The following PPARD variants were observed in gnomAD, a reference collection of about 807,000 sequenced individuals.
The protein encoded by PPARD is peroxisome proliferator activated receptor delta, also known as peroxisome proliferator-activated receptor delta.
Under a neutral mutation model 39.5 loss-of-function variants are expected in PPARD, and 6 were observed. That is an observed-to-expected ratio of 0.15 (90% CI 0.08 to 0.30). The LOEUF is 0.30. Ranked by LOEUF, PPARD falls within the 10% of genes least tolerant of loss-of-function variation. The pLI is 1.00. For missense variants in PPARD, 397 were observed against 596.8 expected (o/e 0.67, Z 3.49); for synonymous variants, 210 against 231.3 (o/e 0.91, Z 0.83).
chr6:35,349,100 A>C, intron 2 of PPARD: 1 of 861,474 alleles, frequency 1.2e-6, no homozygotes, highest in Non-Finnish European at 1.4e-6. Flanking sequence ...ATCTAGGCTC[A>C]CTGCAAGCTC....
intron 1 of PPARD, 116 bp from the exon 2 acceptor site, chr6:35,346,951 A>T: frequency 1.6e-6 from 1 of 613,738 alleles, no homozygotes; most frequent in Non-Finnish European, 2.8e-6. Context: ...ACCGACGAGG[A>T]GCCAGATTAC....
intron 2 of PPARD, among the ~76,000 whole-genome samples, chr6:35,365,005 G>T (rs191397296): frequency 1.6e-3 from 245 of 149,938 alleles, no homozygotes; most frequent in Non-Finnish European, 1.8e-3. Flanking sequence ...CACCGCGCCC[G>T]GCCCCAAGTG....
At chr6:35,410,032 G>C (rs964285633) in intron 2 of PPARD, among the ~76,000 whole-genome samples, 1 of 152,152 alleles carries the variant, frequency 6.6e-6, no homozygotes, top group African/African-American at 2.4e-5. Context: ...CTGATGAGTG[G>C]GTAGACAGGC....
intron 2 of PPARD, among the ~76,000 whole-genome samples, chr6:35,388,871 C>T (rs1185330554): frequency 1.3e-5 from 2 of 152,202 alleles, no homozygotes; most frequent in African/African-American, 4.8e-5. Context: ...TATCAGACAT[C>T]TAAATGCCTG....
intron 2 of PPARD, among the ~76,000 whole-genome samples, chr6:35,377,489 T>C (rs957306450): frequency 6.6e-6 from 1 of 152,218 alleles, no homozygotes; most frequent in African/African-American, 2.4e-5. Flanking sequence ...TTCAGCAAAT[T>C]GAACTATTTG....
At chr6:35,411,611 T>C (rs1195866327) in intron 3 of PPARD, among the ~76,000 whole-genome samples, 2 of 152,204 alleles carry the variant, frequency 1.3e-5, no homozygotes, top group African/African-American at 2.4e-5. Context: ...CCTGGGATTG[T>C]TATGATCAGT....
intron 2 of PPARD, among the ~76,000 whole-genome samples, chr6:35,372,697 G>A (rs1403034614): frequency 6.6e-6 from 1 of 152,160 alleles, no homozygotes; most frequent in African/African-American, 2.4e-5. Context: ...GGTCTAGGAG[G>A]GCATGTGGAA....
At chr6:35,421,730 G>A in intron 4 of PPARD, 90 bp from the exon 5 acceptor site, 1 of 1,356,500 alleles carries the variant, frequency 7.4e-7, no homozygotes. Flanking sequence ...AATGTCAGGA[G>A]TGTTTACACC....
At chr6:35,410,732 G>A (rs1765370925) in intron 2 of PPARD, among the ~76,000 whole-genome samples, 1 of 152,172 alleles carries the variant, frequency 6.6e-6, no homozygotes, top group African/African-American at 2.4e-5. Flanking sequence ...GCACAGTGAT[G>A]TGTCACCTCT....
chr6:35,420,417 A>G (rs916314596), intron 4 of PPARD, 136 bp downstream of exon 4: 37 of 1,237,550 alleles, frequency 3.0e-5, no homozygotes, highest in Non-Finnish European at 6.5e-6. Flanking sequence ...GGAGGCAGCC[A>G]GGCCCTTGTG....
intron 2 of PPARD, among the ~76,000 whole-genome samples, chr6:35,409,736 G>A (rs1214912828): frequency 6.6e-6 from 1 of 152,072 alleles, no homozygotes; most frequent in African/African-American, 2.4e-5. Flanking sequence ...TAGGCCCCGA[G>A]GTTATTGTTA....
At chr6:35,411,359 G>C in intron 3 of PPARD, 142 bp downstream of exon 3, 1 of 1,081,388 alleles carries the variant, frequency 9.2e-7, no homozygotes, top group Non-Finnish European at 1.2e-6. Context: ...CTGGGTTCAC[G>C]CCCAGTGCGG....
At chr6:35,373,442 T>C (rs1175805360) in intron 2 of PPARD, among the ~76,000 whole-genome samples, 1 of 152,180 alleles carries the variant, frequency 6.6e-6, no homozygotes, top group Non-Finnish European at 1.5e-5. Context: ...CGCAGCTGCA[T>C]GGATCAATGT....
intron 3 of PPARD, among the ~76,000 whole-genome samples, chr6:35,415,068 C>T (rs992301327): frequency 1.3e-5 from 2 of 152,216 alleles, no homozygotes; most frequent in Non-Finnish European, 2.9e-5. Flanking sequence ...TGACATCCAT[C>T]CCAATCACCC....
At chr6:35,416,841 C>T (rs2150813406) in intron 3 of PPARD, among the ~76,000 whole-genome samples, 1 of 152,302 alleles carries the variant, frequency 6.6e-6, no homozygotes, top group African/African-American at 2.4e-5. Context: ...CCTGGCGTTG[C>T]TCCACTCTGT....
At chr6:35,349,625 A>G (rs1761113416) in intron 2 of PPARD, among the ~76,000 whole-genome samples, 1 of 151,216 alleles carries the variant, frequency 6.6e-6, no homozygotes, top group South Asian at 2.1e-4. Context: ...CAGCCTCCCA[A>G]GTAGCTGGGA....
intron 2 of PPARD, among the ~76,000 whole-genome samples, chr6:35,360,444 G>A (rs1044972774): frequency 1.3e-5 from 2 of 152,216 alleles, no homozygotes; most frequent in African/African-American, 4.8e-5. Flanking sequence ...CAAGAGGTGT[G>A]TAGTGGTAGT....
At chr6:35,388,290 AC>A in intron 2 of PPARD, among the ~76,000 whole-genome samples, 1 of 152,148 alleles carries the variant, frequency 6.6e-6, no homozygotes. Context: ...GTAGATGTGC[AC>A]ACATATCCAC....
At chr6:35,348,773 T>G in intron 2 of PPARD, 2 of 985,370 alleles carry the variant, frequency 2.0e-6, no homozygotes, top group Non-Finnish European at 2.4e-6. Context: ...ACCAAGTGCT[T>G]TCCTCTGAAG....
Sources: gnomAD v4.1 joint callset for allele counts (sites outside exome capture counted in the v4.1 genomes callset) on GRCh38, gnomAD v4.1.1 for gene constraint, MANE v1.5 for transcripts, NCBI Gene and HGNC (gene_info 2026-07-23, HGNC 2026-07-21) for gene names.